The following CEP112 variants were observed in gnomAD, a reference collection of about 807,000 sequenced individuals.
CEP112 encodes the protein centrosomal protein of 112 kDa.
Under a neutral mutation model 153.0 loss-of-function variants are expected in CEP112, and 127 were observed. The ratio of observed to expected loss-of-function variants is 0.83; its 90% CI spans 0.72 to 0.96. The LOEUF (loss-of-function observed/expected upper bound fraction) is 0.96, where lower values mean the gene tolerates loss of function less well. Ranked by LOEUF, CEP112 falls within the 40% of genes least tolerant of loss-of-function variation. CEP112 has a pLI of 0.00. For synonymous variants in CEP112, 358 were observed against 374.4 expected (o/e 0.96, Z 0.51); for missense variants, 1,089 against 1,101.2 (o/e 0.99, Z 0.16).
intron 23 of CEP112, among the ~76,000 whole-genome samples, chr17:65,714,218 GTGTGTATA>G (rs2049366156): frequency 6.6e-6 from 1 of 151,848 alleles, no homozygotes; most frequent in Non-Finnish European, 1.5e-5. Flanking sequence ...ACATATACAC[GTGTGTATA>G]TGTGTATATA....
chr17:66,132,910 T>C (rs2070259068), intron 4 of CEP112, 147 bp from the exon 5 acceptor site: 1 of 634,296 alleles, frequency 1.6e-6, no homozygotes, highest in Non-Finnish European at 2.8e-6. Context: ...TGGTGGCGAG[T>C]GCCTGTAATC....
rs758940534 is a variant in CEP112, at chr17:66,129,821, T to G, written c.567A>C (p.Glu189Asp). The G allele has an allele frequency of 6.2e-7, 1 of 1,600,260 alleles. No homozygotes were observed. Among genetic ancestry groups the G allele is most frequent in the South Asian group, 1.1e-5 (1 of 90,348 alleles). Reference protein sequence around the residue: ...DGQNITPKICEVYSKKSPVSL... With the variant: ...DGQNITPKICDVYSKKSPVSL... ...AAACAGGAGATTTTTTCGAATAAACTTCCTGAAATACAAAAGGGAAAAAGG... is the reference window on the plus strand; with the variant it reads ...AAACAGGAGATTTTTTCGAATAAACGTCCTGAAATACAAAAGGGAAAAAGG... The change falls in exon 6 of 27, where the codon GAA becomes GAC. Residue 189 changes from glutamate (E) to aspartate (D), a missense_variant and splice_region_variant. Transcript: ENST00000535342.
At chr17:65,645,036 T>C (rs1394591041) in intron 24 of CEP112, among the ~76,000 whole-genome samples, 2 of 152,078 alleles carry the variant, frequency 1.3e-5, no homozygotes, top group African/African-American at 4.8e-5. Flanking sequence ...AGACATTGTG[T>C]GCCCTTTCTA....
chr17:66,102,907 C>G (rs1157528632), intron 6 of CEP112, among the ~76,000 whole-genome samples: 2 of 149,658 alleles, frequency 1.3e-5, no homozygotes, highest in Non-Finnish European at 3.0e-5. Flanking sequence ...ACCAAAAAAA[C>G]TATAAGTAAG....
At chr17:66,120,096 C>A (rs2069503926) in intron 6 of CEP112, among the ~76,000 whole-genome samples, 1 of 152,084 alleles carries the variant, frequency 6.6e-6, no homozygotes, top group African/African-American at 2.4e-5. Context: ...GAAAGTGTTC[C>A]CTCTTCCGGT....
intron 21 of CEP112, among the ~76,000 whole-genome samples, chr17:65,837,783 C>CT (rs2057375767): frequency 6.6e-6 from 1 of 152,162 alleles, no homozygotes; most frequent in Non-Finnish European, 1.5e-5. Flanking sequence ...AATCTATAAC[C>CT]TTACCCCCAA....
chr17:66,087,411 C>T (rs951324326), intron 8 of CEP112, among the ~76,000 whole-genome samples: 2 of 152,092 alleles, frequency 1.3e-5, no homozygotes, highest in Non-Finnish European at 2.9e-5. Context: ...TTGGGAATGA[C>T]TCAAAATGAT....
At chr17:65,676,154 T>C (rs918563120) in intron 24 of CEP112, among the ~76,000 whole-genome samples, 15 of 152,056 alleles carry the variant, frequency 9.9e-5, no homozygotes, top group Admixed American at 3.9e-4. Flanking sequence ...GTGGCCAACA[T>C]GGTGAAACCC....
chr17:66,174,187 CAA>C (rs2072369128), intron 4 of CEP112, among the ~76,000 whole-genome samples: 1 of 152,138 alleles, frequency 6.6e-6, no homozygotes, highest in African/African-American at 2.4e-5. Context: ...CTCAGCCTCC[CAA>C]AGTGCTGGGA....
chr17:65,827,075 C>T (rs187617954), intron 21 of CEP112, among the ~76,000 whole-genome samples: 1 of 152,336 alleles, frequency 6.6e-6, no homozygotes, highest in African/African-American at 2.4e-5. Context: ...GCTTCCTGCC[C>T]TTGAACATCA....
At chr17:65,839,845 T>C (rs892687004) in intron 21 of CEP112, among the ~76,000 whole-genome samples, 14 of 151,826 alleles carry the variant, frequency 9.2e-5, no homozygotes, top group African/African-American at 3.1e-4. Context: ...AAAATCAACA[T>C]GCAAAAATCT....
intron 18 of CEP112, among the ~76,000 whole-genome samples, chr17:65,952,617 T>C (rs536393497): frequency 6.6e-6 from 1 of 152,310 alleles, no homozygotes; most frequent in Non-Finnish European, 1.5e-5. Context: ...TATTTCTCTT[T>C]GGTAAATACA....
In CEP112 at chr17:65,641,727, C is replaced by T. The variant is rs1317111899; in HGVS notation, c.2698-662G>A. ...GGCCACTGCACTCCAGTCTGGGTGACAGAGTAAGACTTTTTCCACCAAAAC... is the reference window on the plus strand; with the variant it reads ...GGCCACTGCACTCCAGTCTGGGTGATAGAGTAAGACTTTTTCCACCAAAAC... On this transcript the variant is annotated intron_variant, in intron 24 of 26. Transcript: ENST00000535342. Among the ~76,000 whole-genome samples the T allele has an allele frequency of 5.3e-5, 8 of 152,296 alleles. No individual in the cohort carries two copies. In the East Asian group the frequency reaches 1.4e-3, roughly 26 times the overall value.
intron 23 of CEP112, among the ~76,000 whole-genome samples, chr17:65,708,520 C>T (rs920802834): frequency 6.6e-6 from 1 of 152,120 alleles, no homozygotes; most frequent in Non-Finnish European, 1.5e-5. Flanking sequence ...GAAACTGGCA[C>T]GTTGGCTCTG....
rs747642237 is a variant in CEP112, at chr17:65,885,324, TTAAC to T, written c.2163+16824_2163+16827del. Among the ~76,000 whole-genome samples the T allele has an allele frequency of 2.6e-5, 4 of 152,330 alleles. No individual in the cohort carries two copies. The South Asian group carries it at 8.3e-4, about 32-fold the overall frequency. On this transcript the variant is annotated intron_variant, in intron 20 of 26. Coordinates refer to ENST00000535342, the MANE Select transcript of CEP112 (RefSeq NM_001199165.4). ...GTCCCTAAACTACTCATTCAGTTAC[TTAAC>T]TATTTGGCTGAAGATAATATTTATC...
At chr17:66,165,969 G>T (rs1325533109) in intron 4 of CEP112, among the ~76,000 whole-genome samples, 2 of 152,084 alleles carry the variant, frequency 1.3e-5, no homozygotes, top group Non-Finnish European at 2.9e-5. Flanking sequence ...AAGCAAAGAT[G>T]TAAAAACTAT....
intron 21 of CEP112, among the ~76,000 whole-genome samples, chr17:65,763,513 T>C (rs2052740097): frequency 6.6e-6 from 1 of 152,078 alleles, no homozygotes; most frequent in African/African-American, 2.4e-5. Context: ...TCAGTCTTTT[T>C]TTTTCTCTTT....
At chr17:65,660,728 TG>T (rs2046348344) in intron 24 of CEP112, among the ~76,000 whole-genome samples, 1 of 145,156 alleles carries the variant, frequency 6.9e-6, no homozygotes, top group Admixed American at 6.9e-5. Flanking sequence ...TATTTTTTTT[TG>T]TAGAAACAAG....
At chr17:66,115,715 C>CTA (rs1425903956) in intron 6 of CEP112, among the ~76,000 whole-genome samples, 1 of 152,180 alleles carries the variant, frequency 6.6e-6, no homozygotes, top group African/African-American at 2.4e-5. Context: ...TTCTTCCCTG[C>CTA]TATGTAAACC....
Sources: allele counts gnomAD v4.1 joint callset (sites outside exome capture counted in the v4.1 genomes callset), GRCh38; gene constraint gnomAD v4.1.1; transcripts MANE v1.5; gene names NCBI Gene and HGNC (gene_info 2026-07-23, HGNC 2026-07-21).